Variants in MALRD1 observed in about 807,000 individuals in gnomAD.
MALRD1 encodes the protein MAM and LDL receptor class A domain containing 1, also known as MAM and LDL-receptor class A domain-containing protein 1.
A neutral mutation model predicts 242.1 loss-of-function variants in MALRD1; 247 were observed. That is an observed-to-expected ratio of 1.02 (90% CI 0.92 to 1.13). MALRD1 has a LOEUF of 1.13. Ranked by LOEUF, MALRD1 falls within the 50% of genes most tolerant of loss-of-function variation. The pLI, the probability that MALRD1 is intolerant of heterozygous loss-of-function variation, is 0.00. For synonymous variants in MALRD1, 995 were observed against 866.6 expected (o/e 1.15, Z -2.60); for missense variants, 2,989 against 2,533.1 (o/e 1.18, Z -3.86).
At chr10:19,674,307 G>T (rs765158351) in intron 36 of MALRD1, among the ~76,000 whole-genome samples, 8 of 152,118 alleles carry the variant, frequency 5.3e-5, no homozygotes, top group Non-Finnish European at 8.8e-5. Flanking sequence ...CAAATAGAAG[G>T]TACTCAATGA....
intron 17 of MALRD1, among the ~76,000 whole-genome samples, chr10:19,208,355 GGAA>G (rs773540078): frequency 1.3e-5 from 2 of 152,274 alleles, no homozygotes; most frequent in Admixed American, 6.5e-5. Flanking sequence ...GAATATGTGG[GGAA>G]GATGGTGCAG....
At chr10:19,540,613 T>C (rs1434655302) in intron 32 of MALRD1, among the ~76,000 whole-genome samples, 3 of 152,116 alleles carry the variant, frequency 2.0e-5, no homozygotes, top group Admixed American at 6.5e-5. Flanking sequence ...AATGAGCTGC[T>C]AAAAAGGCTC....
At chr10:19,719,239 T>TACATACATAC (rs1392517480) in intron 38 of MALRD1, among the ~76,000 whole-genome samples, 7,314 of 117,208 alleles carry the variant, frequency 0.062, 712 homozygotes, top group African/African-American at 0.1. Context: ...TATATATATA[T>TACATACATAC]ATATATATAT....
chr10:19,095,275 G>C (rs934284413), intron 4 of MALRD1, among the ~76,000 whole-genome samples: 1 of 152,074 alleles, frequency 6.6e-6, no homozygotes, highest in African/African-American at 2.4e-5. Context: ...TAATTGATTG[G>C]TTGTAAATCA....
At chr10:19,326,036 A>C (rs1324895169) in intron 22 of MALRD1, among the ~76,000 whole-genome samples, 1 of 103,360 alleles carries the variant, frequency 9.7e-6, no homozygotes, top group East Asian at 2.7e-4. Flanking sequence ...TATCAATTTT[A>C]GAATTTTTTT....
intron 26 of MALRD1, among the ~76,000 whole-genome samples, chr10:19,387,145 A>G (rs1242277323): frequency 6.6e-6 from 1 of 152,126 alleles, no homozygotes; most frequent in Admixed American, 6.6e-5. Flanking sequence ...ATAATACATG[A>G]TCTCTTAGCT....
chr10:19,630,111 T>C (rs770212946), intron 36 of MALRD1, among the ~76,000 whole-genome samples: 24 of 152,210 alleles, frequency 1.6e-4, no homozygotes, highest in Non-Finnish European at 3.1e-4. Context: ...AATTCTGCCA[T>C]GTAGGAAATC....
At chr10:19,303,713 C>G (rs1842048515) in intron 21 of MALRD1, among the ~76,000 whole-genome samples, 1 of 151,696 alleles carries the variant, frequency 6.6e-6, no homozygotes, top group East Asian at 2.0e-4. Context: ...AACGTGTAAT[C>G]AATATAAAGT....
chr10:19,351,325 C>G (rs1844366893), intron 25 of MALRD1, among the ~76,000 whole-genome samples: 1 of 152,108 alleles, frequency 6.6e-6, no homozygotes, highest in South Asian at 2.1e-4. Context: ...GTGACAATCA[C>G]TCAAAATCTA....
chr10:19,387,910 GTT>G, intron 27 of MALRD1, 137 bp downstream of exon 27: 1 of 1,127,806 alleles, frequency 8.9e-7, no homozygotes, highest in South Asian at 1.7e-5. Flanking sequence ...TTTAGTGAGT[GTT>G]TTTTTTCTTA....
At position 19,106,998 on chromosome 10, in the gene MALRD1, C is replaced by T. The variant is rs564679512; in HGVS notation, c.694+2923C>T. 2.6e-5 allele frequency among the ~76,000 whole-genome samples: 4 copies of T among 152,046 alleles called. No individual in the cohort carries two copies. In the East Asian group the frequency reaches 7.7e-4, roughly 29 times the overall value. The stretch of plus-strand genomic sequence containing the variant: ...CCGTTTTGGCTGGAAAAGATAATTA[C>T]TATGATTCTGACTTTTAAAAAATGG... On this transcript the variant is annotated intron_variant, in intron 5 of 39. Transcript: ENST00000454679.
intron 21 of MALRD1, among the ~76,000 whole-genome samples, chr10:19,295,983 T>A (rs1254227243): frequency 2.0e-5 from 3 of 152,118 alleles, no homozygotes; most frequent in Non-Finnish European, 2.9e-5. Flanking sequence ...TTCTTGAAAT[T>A]GGCAGCACAG....
intron 12 of MALRD1, among the ~76,000 whole-genome samples, chr10:19,165,265 A>ATATATATATT: frequency 7.7e-6 from 1 of 130,286 alleles, no homozygotes; most frequent in Admixed American, 7.6e-5. Context: ...ATATATATAT[A>ATATATATATT]TTTTGTTTTG....
intron 32 of MALRD1, among the ~76,000 whole-genome samples, chr10:19,547,335 G>A (rs572305325): frequency 6.6e-6 from 1 of 151,978 alleles, no homozygotes; most frequent in African/African-American, 2.4e-5. Flanking sequence ...AACCAAGTGA[G>A]GTGGAAGAAC....
chr10:19,413,866 G>A (rs900388692), intron 28 of MALRD1, among the ~76,000 whole-genome samples: 4 of 151,300 alleles, frequency 2.6e-5, no homozygotes, highest in African/African-American at 7.3e-5. Context: ...CTGGAGAATC[G>A]CTTGAACCGA....
chr10:19,141,489 A>G (rs1249633993), intron 10 of MALRD1, among the ~76,000 whole-genome samples: 2 of 152,180 alleles, frequency 1.3e-5, no homozygotes, highest in East Asian at 3.8e-4. Context: ...GAATGTACCT[A>G]ATACCATAGA....
chr10:19,336,225 A>G (rs1843605943), intron 24 of MALRD1, among the ~76,000 whole-genome samples: 1 of 152,210 alleles, frequency 6.6e-6, no homozygotes, highest in Non-Finnish European at 1.5e-5. Flanking sequence ...ATCTTATTTG[A>G]ACATAATCAT....
intron 28 of MALRD1, among the ~76,000 whole-genome samples, chr10:19,436,019 G>C (rs1460694966): frequency 6.6e-6 from 1 of 151,924 alleles, no homozygotes; most frequent in Non-Finnish European, 1.5e-5. Flanking sequence ...TTCCAGCTTT[G>C]GGCACAGCTC....
In MALRD1 at chr10:19,264,356, A is replaced by G. The variant is rs188314112; in HGVS notation, c.3079+6585A>G. On this transcript the variant is annotated intron_variant, in intron 19 of 39. Transcript: ENST00000454679. The stretch of plus-strand genomic sequence containing the variant: ...TGCTAGTATTTTGTTGAGGATTTGC[A>G]TCTATATTCATCAGTCATATTGGCC... Among the ~76,000 whole-genome samples the G allele has an allele frequency of 3.9e-3, 599 of 151,760 alleles. 2 individuals are homozygous for G. The highest frequency in any genetic ancestry group is 4.8e-3 in the Non-Finnish European group (329 of 67,906).
Sources: allele counts gnomAD v4.1 joint callset (sites outside exome capture counted in the v4.1 genomes callset), GRCh38; gene constraint gnomAD v4.1.1; transcripts MANE v1.5; gene names NCBI Gene and HGNC (gene_info 2026-07-23, HGNC 2026-07-21).